The following TBC1D5 variants were observed in gnomAD, a reference collection of about 807,000 sequenced individuals.
TBC1D5 encodes the protein TBC1 domain family member 5.
A neutral mutation model predicts 100.3 loss-of-function variants in TBC1D5; 75 were observed. The ratio of observed to expected loss-of-function variants is 0.75; its 90% CI spans 0.62 to 0.91. TBC1D5 has a LOEUF of 0.91. TBC1D5 is among the 40% of genes least tolerant of loss of function. The pLI, the probability that TBC1D5 is intolerant of heterozygous loss-of-function variation, is 0.00. For missense variants in TBC1D5, 910 were observed against 942.4 expected, an observed-to-expected ratio of 0.97 and a Z score of 0.45; for synonymous variants, 323 against 325.6, an observed-to-expected ratio of 0.99 and a Z score of 0.09.
At chr3:17,264,111 C>T (rs1474253662) in intron 15 of TBC1D5, among the ~76,000 whole-genome samples, 2 of 151,978 alleles carry the variant, frequency 1.3e-5, no homozygotes, top group Non-Finnish European at 2.9e-5. Flanking sequence ...ACTCTTACCC[C>T]TATGGCAACA....
intron 1 of TBC1D5, among the ~76,000 whole-genome samples, chr3:17,697,334 A>G (rs867882858): frequency 1.3e-5 from 2 of 152,242 alleles, no homozygotes; most frequent in South Asian, 2.1e-4. Context: ...TGCAGATGAC[A>G]TGATTGTATA....
At chr3:17,603,557 C>A (rs1012717397) in intron 2 of TBC1D5, among the ~76,000 whole-genome samples, 6 of 152,168 alleles carry the variant, frequency 3.9e-5, no homozygotes, top group Admixed American at 3.3e-4. Context: ...TCCCGGAAAA[C>A]TCATGAATAG....
intron 2 of TBC1D5, among the ~76,000 whole-genome samples, chr3:17,593,594 G>A (rs142683880): frequency 6.6e-6 from 1 of 152,294 alleles, no homozygotes; most frequent in Non-Finnish European, 1.5e-5. Context: ...TATCCTGCAC[G>A]CAATGCTTCT....
At chr3:17,352,149 TGCAGA>T (rs1425708825) in intron 13 of TBC1D5, among the ~76,000 whole-genome samples, 3 of 152,130 alleles carry the variant, frequency 2.0e-5, no homozygotes, top group Non-Finnish European at 4.4e-5. Context: ...TACTGATTAA[TGCAGA>T]GCATTATGCA....
At chr3:17,472,262 C>T (rs1346258044) in intron 3 of TBC1D5, among the ~76,000 whole-genome samples, 3 of 151,998 alleles carry the variant, frequency 2.0e-5, no homozygotes, top group African/African-American at 7.2e-5. Context: ...CCTCAGCCTC[C>T]CGAGTAGCTG....
intron 3 of TBC1D5, 72 bp from the exon 4 acceptor site, chr3:17,428,591 G>T: frequency 1.4e-6 from 1 of 739,720 alleles, no homozygotes; most frequent in Non-Finnish European, 2.0e-6. Context: ...CTGTGTGAAA[G>T]CTCTACGCAA....
At chr3:17,725,754 G>A (rs2076071049) in intron 1 of TBC1D5, among the ~76,000 whole-genome samples, 1 of 152,086 alleles carries the variant, frequency 6.6e-6, no homozygotes, top group Non-Finnish European at 1.5e-5. Context: ...GTGCATGTTT[G>A]TCATATACGT....
At chr3:17,286,961 G>A (rs1429533578) in intron 15 of TBC1D5, among the ~76,000 whole-genome samples, 1 of 152,152 alleles carries the variant, frequency 6.6e-6, no homozygotes, top group Non-Finnish European at 1.5e-5. Context: ...GACAGCCTAA[G>A]GGAAGTAAAT....
chr3:17,685,035 T>C (rs2070057989), intron 1 of TBC1D5, among the ~76,000 whole-genome samples: 2 of 152,066 alleles, frequency 1.3e-5, no homozygotes, highest in Admixed American at 1.3e-4. Context: ...TAATGCAGAC[T>C]GAGGTTTACA....
At chr3:17,663,155 C>T (rs1427286519) in intron 1 of TBC1D5, 1 of 151,934 alleles carries the variant, frequency 6.6e-6, no homozygotes, top group Non-Finnish European at 1.5e-5. Context: ...AGCCCCAAAA[C>T]TGATAATTTT....
chr3:17,470,200 C>G (rs2095356665), intron 3 of TBC1D5, among the ~76,000 whole-genome samples: 1 of 152,152 alleles, frequency 6.6e-6, no homozygotes, highest in African/African-American at 2.4e-5. Context: ...TATTTTTAGG[C>G]TGTCCTACAA....
In TBC1D5 at chr3:17,582,485, A is replaced by T. The variant is rs371912395; in HGVS notation, c.-36+41364T>A. Among the ~76,000 whole-genome samples, 16 of 152,292 alleles carry T rather than the reference A, an allele frequency of 1.1e-4. No homozygotes were observed. In the South Asian group the frequency reaches 3.3e-3, roughly 32 times the overall value. Reference sequence around the variant, plus strand: ...ATGGATGATGACAAAAACGGGATATAAAAAACAGTACAGCTAACTCAGTAG... The same window carrying T: ...ATGGATGATGACAAAAACGGGATATTAAAAACAGTACAGCTAACTCAGTAG... On this transcript the variant is annotated intron_variant, in intron 2 of 21. Transcript: ENST00000253692.
chr3:17,501,292 T>C (rs755121124), intron 3 of TBC1D5, among the ~76,000 whole-genome samples: 2 of 149,544 alleles, frequency 1.3e-5, no homozygotes, highest in African/African-American at 2.5e-5. Context: ...TGAGCTGCTT[T>C]ATTGGCTAAC....
chr3:17,422,663 A>G (rs1575829755), intron 4 of TBC1D5, among the ~76,000 whole-genome samples: 1 of 152,310 alleles, frequency 6.6e-6, no homozygotes, highest in East Asian at 1.9e-4. Flanking sequence ...TCTATAAGAT[A>G]TATAATTCTC....
intron 2 of TBC1D5, among the ~76,000 whole-genome samples, chr3:17,597,938 G>A (rs945211752): frequency 1.3e-5 from 2 of 152,004 alleles, no homozygotes; most frequent in Admixed American, 6.6e-5. Context: ...TTCCATATAG[G>A]CTCAAGCTCT....
chr3:17,316,119 T>C (rs1282442155), intron 13 of TBC1D5, among the ~76,000 whole-genome samples: 1 of 152,174 alleles, frequency 6.6e-6, no homozygotes, highest in Admixed American at 6.5e-5. Flanking sequence ...TTGTCACATA[T>C]AGTGTTGCCA....
chr3:17,509,342 A>T, intron 2 of TBC1D5, among the ~76,000 whole-genome samples: 1 of 150,382 alleles, frequency 6.6e-6, no homozygotes, highest in East Asian at 1.9e-4. Flanking sequence ...TGTCTGTATG[A>T]TATCCATGAT....
At chr3:17,619,322 T>C (rs1016030955) in intron 2 of TBC1D5, among the ~76,000 whole-genome samples, 1 of 152,086 alleles carries the variant, frequency 6.6e-6, no homozygotes, top group Non-Finnish European at 1.5e-5. Flanking sequence ...TGAAAATAAA[T>C]AGATATGAGG....
Position 17,533,074 on chromosome 3 carries a change from G to GACACACAC in TBC1D5, c.-35-24477_-35-24470dup, listed in dbSNP as rs9310518. Among the ~76,000 whole-genome samples the GACACACAC allele has an allele frequency of 6.6e-4, 96 of 145,048 alleles. 1 individual carries two copies. The highest frequency in any genetic ancestry group is 3.1e-3 in the Admixed American group (44 of 14,262). On this transcript the variant is annotated intron_variant, in intron 2 of 21. Transcript: ENST00000253692. ...CCTGTCACACACACACACATACACA[G>GACACACAC]ACACACACACACACACACACACACA...
Sources: gnomAD v4.1 joint callset for allele counts (sites outside exome capture counted in the v4.1 genomes callset) on GRCh38, gnomAD v4.1.1 for gene constraint, MANE v1.5 for transcripts, NCBI Gene and HGNC (gene_info 2026-07-23, HGNC 2026-07-21) for gene names.